The following MAPKAPK2 variants were observed in gnomAD, a reference collection of about 807,000 sequenced individuals.
The protein encoded by MAPKAPK2 is MAP kinase-activated protein kinase 2.
Under a neutral mutation model 48.8 loss-of-function variants are expected in MAPKAPK2, and 9 were observed. The ratio of observed to expected loss-of-function variants is 0.18; its 90% CI spans 0.11 to 0.32. The LOEUF is 0.32. Ranked by LOEUF, MAPKAPK2 falls within the 10% of genes least tolerant of loss-of-function variation. The pLI is 1.00. For synonymous variants in MAPKAPK2, 202 were observed against 190.6 expected (o/e 1.06, Z -0.49); for missense variants, 331 against 498.3 (o/e 0.66, Z 3.20).
At chr1:206,724,778 T>C (rs1673653179) in intron 1 of MAPKAPK2, among the ~76,000 whole-genome samples, 1 of 152,054 alleles carries the variant, frequency 6.6e-6, no homozygotes, top group African/African-American at 2.4e-5. Context: ...GCTCAGAAGT[T>C]CCTAACCACT....
At chr1:206,702,647 A>G (rs1672832108) in intron 1 of MAPKAPK2, among the ~76,000 whole-genome samples, 1 of 152,200 alleles carries the variant, frequency 6.6e-6, no homozygotes, top group Non-Finnish European at 1.5e-5. Context: ...ATTCCCGGTA[A>G]TGACAGATGT....
chr1:206,719,001 TG>T (rs1673430645), intron 1 of MAPKAPK2, among the ~76,000 whole-genome samples: 1 of 152,220 alleles, frequency 6.6e-6, no homozygotes, highest in Non-Finnish European at 1.5e-5. Flanking sequence ...TTTGCCAGTC[TG>T]GTGAAATTAT....
intron 1 of MAPKAPK2, among the ~76,000 whole-genome samples, chr1:206,699,019 A>G (rs782257971): frequency 5.3e-5 from 8 of 152,218 alleles, no homozygotes; most frequent in East Asian, 1.9e-4. Flanking sequence ...AGTTTATCCA[A>G]TATTTATGGG....
At chr1:206,693,509 G>A (rs1296435772) in intron 1 of MAPKAPK2, among the ~76,000 whole-genome samples, 1 of 152,134 alleles carries the variant, frequency 6.6e-6, no homozygotes, top group Non-Finnish European at 1.5e-5. Flanking sequence ...TTCCCAGTAG[G>A]GAAAGGGTTA....
chr1:206,689,814 G>A (rs1297505609), intron 1 of MAPKAPK2, among the ~76,000 whole-genome samples: 1 of 152,236 alleles, frequency 6.6e-6, no homozygotes, highest in Non-Finnish European at 1.5e-5. Flanking sequence ...CAGTAAACAT[G>A]TGGCTAATGG....
In MAPKAPK2 at chr1:206,731,590, C is replaced by A; in HGVS notation, c.893-50C>A. 1 of 1,464,814 alleles carries A rather than the reference C, an allele frequency of 6.8e-7. No homozygotes were observed. Among genetic ancestry groups the A allele is most frequent in the Non-Finnish European group, 9.6e-7 (1 of 1,044,074 alleles). The allele number at this position is 1,464,814 out of a possible 1,614,324, so 90.7% of individuals were successfully genotyped here. A position where few individuals can be genotyped will look rare whatever the true frequency, so the allele number is the denominator to read the frequency against. On this transcript the variant is annotated intron_variant, in intron 7 of 9. Transcript: ENST00000367103. The surrounding 1 kb of genome is among the most constrained non-coding windows in gnomAD (Gnocchi z 5.9). ...CATGAAAACTGGGGAAAGGAGCAGG[C>A]CAGGGAGAGTGACCCCTGAGCTGTC...
At chr1:206,698,976 A>AAGTACTC (rs1672711929) in intron 1 of MAPKAPK2, among the ~76,000 whole-genome samples, 1 of 152,216 alleles carries the variant, frequency 6.6e-6, no homozygotes, top group African/African-American at 2.4e-5. Context: ...TGACTCCATT[A>AAGTACTC]TAATTGGGTA....
intron 1 of MAPKAPK2, among the ~76,000 whole-genome samples, chr1:206,699,309 C>T (rs1036389012): frequency 1.3e-5 from 2 of 152,176 alleles, no homozygotes; most frequent in Admixed American, 6.5e-5. Context: ...TGCAGAGACA[C>T]ATGATGGGCT....
intron 1 of MAPKAPK2, among the ~76,000 whole-genome samples, chr1:206,710,247 C>G (rs1673096330): frequency 6.6e-6 from 1 of 152,222 alleles, no homozygotes; most frequent in African/African-American, 2.4e-5. Flanking sequence ...CTTCAGTCCA[C>G]AGATCACTAT....
At chr1:206,730,176 C>T (rs1198236962) in intron 5 of MAPKAPK2, 78 bp downstream of exon 5, 77 of 1,562,664 alleles carry the variant, frequency 4.9e-5, no homozygotes, top group Non-Finnish European at 6.4e-5. Context: ...ATCTGGGGGG[C>T]CGCAAATCCT....
rs868917254 is a variant in MAPKAPK2, at chr1:206,695,175, A to G, written c.279+9667A>G. 6.0e-4 allele frequency among the ~76,000 whole-genome samples: 92 copies of G among 152,362 alleles called. 1 individual carries two copies. Among genetic ancestry groups the G allele is most frequent in the African/African-American group, 2.1e-3 (88 of 41,582 alleles). The stretch of plus-strand genomic sequence containing the variant: ...GCTACCTGGGCTCGGATACTTTAAA[A>G]GAAAATAAAATTAGGTTTGAGGTGT... On this transcript the variant is annotated intron_variant, in intron 1 of 9. Coordinates refer to ENST00000367103, the MANE Select transcript of MAPKAPK2 (RefSeq NM_032960.4).
At chr1:206,712,356 C>A (rs1007572341) in intron 1 of MAPKAPK2, among the ~76,000 whole-genome samples, 1 of 152,198 alleles carries the variant, frequency 6.6e-6, no homozygotes, top group Non-Finnish European at 1.5e-5. Flanking sequence ...GAAAGGTGCT[C>A]AGGGCCCACA....
intron 1 of MAPKAPK2, among the ~76,000 whole-genome samples, chr1:206,698,524 A>C (rs1398176500): frequency 6.6e-6 from 1 of 152,206 alleles, no homozygotes; most frequent in Non-Finnish European, 1.5e-5. Context: ...ATACAATATA[A>C]CAAATTTCTA....
chr1:206,685,719 G>A (rs1365970527), intron 1 of MAPKAPK2, among the ~76,000 whole-genome samples: 3 of 149,492 alleles, frequency 2.0e-5, no homozygotes, highest in Non-Finnish European at 4.5e-5. Flanking sequence ...GGCCGCTCCC[G>A]GGCGGGAGCC....
At chr1:206,692,482 C>T (rs1055832960) in intron 1 of MAPKAPK2, among the ~76,000 whole-genome samples, 8 of 152,268 alleles carry the variant, frequency 5.3e-5, no homozygotes, top group African/African-American at 1.7e-4. Context: ...GTTTCAGCCC[C>T]GGAGGTTTAG....
At chr1:206,696,004 G>A in intron 1 of MAPKAPK2, 1 of 772,862 alleles carries the variant, frequency 1.3e-6, no homozygotes, top group South Asian at 1.4e-5. Context: ...TCGATGTGTA[G>A]GGCAGTGATA....
intron 4 of MAPKAPK2, 119 bp downstream of exon 4, chr1:206,729,594 C>G: frequency 1.2e-6 from 1 of 862,386 alleles, no homozygotes; most frequent in Non-Finnish European, 1.9e-6. Flanking sequence ...CCTGAGCATG[C>G]CATTCTCTGC....
At chr1:206,700,569 A>G (rs1317950925) in intron 1 of MAPKAPK2, among the ~76,000 whole-genome samples, 1 of 152,220 alleles carries the variant, frequency 6.6e-6, no homozygotes, top group Non-Finnish European at 1.5e-5. Flanking sequence ...CTAGAAGACC[A>G]CACATGTTAA....
chr1:206,705,420 C>T (rs782240256), intron 1 of MAPKAPK2, among the ~76,000 whole-genome samples: 2 of 152,208 alleles, frequency 1.3e-5, no homozygotes, highest in Non-Finnish European at 2.9e-5. Flanking sequence ...CATGAGTAGA[C>T]ACTCCTGCTG....
Sources: gnomAD v4.1 joint callset for allele counts (sites outside exome capture counted in the v4.1 genomes callset) on GRCh38, gnomAD v4.1.1 for gene constraint, Gnocchi (gnomAD v3.1) non-coding constraint, MANE v1.5 for transcripts, NCBI Gene and HGNC (gene_info 2026-07-23, HGNC 2026-07-21) for gene names.